DPP10: variants seen among roughly 807,000 people sequenced by gnomAD.
DPP10 encodes inactive dipeptidyl peptidase 10.
A neutral mutation model predicts 120.9 loss-of-function variants in DPP10; 33 were observed. The observed-to-expected ratio is 0.27, with a 90% CI of 0.21 to 0.37. The LOEUF (loss-of-function observed/expected upper bound fraction) is 0.37. Among genes scored for constraint, DPP10 ranks in the 10% least tolerant of loss-of-function variants. DPP10 has a pLI of 1.00. For missense variants in DPP10, 816 were observed against 942.8 expected (o/e 0.87, Z 1.76); for synonymous variants, 337 against 326.1 (o/e 1.03, Z -0.36).
chr2:115,111,873 A>G (rs577246291), intron 1 of DPP10, among the ~76,000 whole-genome samples: 4 of 152,316 alleles, frequency 2.6e-5, no homozygotes, highest in Admixed American at 2.0e-4. Flanking sequence ...AATTTTCCTC[A>G]AAGTGTTTCT....
At chr2:115,296,169 T>C (rs1010244960) in intron 1 of DPP10, among the ~76,000 whole-genome samples, 12 of 152,038 alleles carry the variant, frequency 7.9e-5, no homozygotes, top group African/African-American at 2.9e-4. Context: ...AGACCCAGGT[T>C]TCTGGCTTGG....
At chr2:115,247,766 G>A (rs964757954) in intron 1 of DPP10, among the ~76,000 whole-genome samples, 2 of 152,134 alleles carry the variant, frequency 1.3e-5, no homozygotes, top group Non-Finnish European at 2.9e-5. Flanking sequence ...CAAGAAGGTT[G>A]ATGATGATGG....
chr2:115,352,952 T>G (rs1025101596), intron 3 of DPP10, among the ~76,000 whole-genome samples: 1 of 152,006 alleles, frequency 6.6e-6, no homozygotes, highest in Non-Finnish European at 1.5e-5. Flanking sequence ...TTTGATACAG[T>G]CTTCACTTAC....
chr2:115,820,367 T>A (rs75916658), intron 21 of DPP10, among the ~76,000 whole-genome samples: 2,123 of 152,274 alleles, frequency 0.014, 53 homozygotes, highest in African/African-American at 0.047. Flanking sequence ...TTAGCCATTT[T>A]ATGAGCCTAT....
chr2:114,793,581 G>C (rs556752938), intron 1 of DPP10, among the ~76,000 whole-genome samples: 1 of 152,292 alleles, frequency 6.6e-6, no homozygotes, highest in Non-Finnish European at 1.5e-5. Context: ...GGATACAGCA[G>C]TGTTTAAAAC....
chr2:115,437,254 A>T (rs1186122855), intron 3 of DPP10, among the ~76,000 whole-genome samples: 1 of 152,084 alleles, frequency 6.6e-6, no homozygotes, highest in Non-Finnish European at 1.5e-5. Context: ...TCTAGTGGAT[A>T]GCTCAAGGGG....
At chr2:114,654,451 G>A (rs922678245) in intron 1 of DPP10, among the ~76,000 whole-genome samples, 1 of 152,144 alleles carries the variant, frequency 6.6e-6, no homozygotes. Flanking sequence ...AAAACCTGGA[G>A]GAAACTTTCC....
intron 5 of DPP10, among the ~76,000 whole-genome samples, chr2:115,687,485 G>GATAGATA (rs1553480028): frequency 8.2e-5 from 12 of 147,018 alleles, no homozygotes; most frequent in African/African-American, 2.5e-4. Flanking sequence ...ATGGATGGAT[G>GATAGATA]GATAGATAGA....
At chr2:115,725,596 C>A (rs1329186660) in intron 7 of DPP10, among the ~76,000 whole-genome samples, 4 of 152,150 alleles carry the variant, frequency 2.6e-5, no homozygotes, top group Non-Finnish European at 5.9e-5. Flanking sequence ...ATTTTTACAT[C>A]TGTTGAAGTT....
chr2:114,835,453 C>T (rs1418714515), intron 1 of DPP10: 1 of 152,054 alleles, frequency 6.6e-6, no homozygotes, highest in Non-Finnish European at 1.5e-5. Flanking sequence ...ATATATAAGA[C>T]ATATACCCAC....
At chr2:115,835,420 T>C (rs2150116313) in intron 21 of DPP10, among the ~76,000 whole-genome samples, 1 of 152,318 alleles carries the variant, frequency 6.6e-6, no homozygotes, top group Non-Finnish European at 1.5e-5. Flanking sequence ...TATGTAGTTA[T>C]TCTTCTCTTC....
At chr2:114,707,918 C>G (rs1700783946) in intron 1 of DPP10, among the ~76,000 whole-genome samples, 1 of 152,132 alleles carries the variant, frequency 6.6e-6, no homozygotes, top group South Asian at 2.1e-4. Context: ...GACTCTAAAA[C>G]CTCACCAGTT....
At chr2:115,589,428 T>A (rs1210475842) in intron 5 of DPP10, among the ~76,000 whole-genome samples, 1 of 152,160 alleles carries the variant, frequency 6.6e-6, no homozygotes, top group Non-Finnish European at 1.5e-5. Flanking sequence ...AAATTTTAGG[T>A]CAACTTGGAG....
At chr2:115,257,915 T>G (rs1469543191) in intron 1 of DPP10, among the ~76,000 whole-genome samples, 1 of 152,176 alleles carries the variant, frequency 6.6e-6, no homozygotes, top group Non-Finnish European at 1.5e-5. Context: ...AAGGGGTTTT[T>G]TTGTTAAGAG....
chr2:115,483,463 CTATCTATCTA>C lies in DPP10; in HGVS notation c.272-16045_272-16036del, dbSNP rs1354849449. Among the ~76,000 whole-genome samples, 9 of 89,494 alleles carry C rather than the reference CTATCTATCTA, an allele frequency of 1.0e-4. No homozygotes were observed. The East Asian group carries it at 1.7e-3, about 16-fold the overall frequency. The allele number at this position is 89,494 out of a possible 152,430, so 58.7% of individuals were successfully genotyped here. On this transcript the variant is annotated intron_variant, in intron 3 of 25. Coordinates refer to ENST00000410059, the MANE Select transcript of DPP10 (RefSeq NM_020868.6). ...TCTATCTATCTATCTATCTATCTAT[CTATCTATCTA>C]TCTATCTGTATGTGTATGTGTGTGC...
chr2:115,108,707 C>G (rs1285789183), intron 1 of DPP10, among the ~76,000 whole-genome samples: 1 of 152,170 alleles, frequency 6.6e-6, no homozygotes, highest in East Asian at 1.9e-4. Context: ...TCTACCATTA[C>G]CTATTATTTC....
chr2:114,923,471 C>CTTTTTTTTTTTT (rs1695355457), intron 1 of DPP10, among the ~76,000 whole-genome samples: 1 of 84,614 alleles, frequency 1.2e-5, no homozygotes, highest in African/African-American at 5.0e-5. Context: ...GGCCTTTTTT[C>CTTTTTTTTTTTT]CTTTTTTTTT....
intron 1 of DPP10, among the ~76,000 whole-genome samples, chr2:114,747,891 A>G (rs541328848): frequency 6.6e-6 from 1 of 152,326 alleles, no homozygotes; most frequent in Admixed American, 6.5e-5. Flanking sequence ...TCCTCGGAGA[A>G]TGTGCTCTAA....
At chr2:115,375,516 C>T (rs1219516170) in intron 3 of DPP10, among the ~76,000 whole-genome samples, 1 of 152,222 alleles carries the variant, frequency 6.6e-6, no homozygotes, top group Non-Finnish European at 1.5e-5. Flanking sequence ...ATTGCTCCAG[C>T]TTCTGCCTGT....
Sources: gnomAD v4.1 joint callset for allele counts (sites outside exome capture counted in the v4.1 genomes callset) on GRCh38, gnomAD v4.1.1 for gene constraint, MANE v1.5 for transcripts, NCBI Gene and HGNC (gene_info 2026-07-23, HGNC 2026-07-21) for gene names.